The following OTUD7A variants were observed in gnomAD, a reference collection of about 807,000 sequenced individuals.
OTUD7A encodes the protein OTU domain-containing protein 7A.
Under a neutral mutation model 65.7 loss-of-function variants are expected in OTUD7A, and 12 were observed. That is an observed-to-expected ratio of 0.18 (90% CI 0.12 to 0.30). The LOEUF (loss-of-function observed/expected upper bound fraction) is 0.30. OTUD7A is among the 10% of genes least tolerant of loss of function. OTUD7A has a pLI of 1.00. For synonymous variants in OTUD7A, 641 were observed against 586.3 expected, an observed-to-expected ratio of 1.09 and a Z score of -1.35; for missense variants, 1,148 against 1,304.8, an observed-to-expected ratio of 0.88 and a Z score of 1.85.
At chr15:31,763,630 G>A (rs979868687) in intron 1 of OTUD7A, among the ~76,000 whole-genome samples, 2 of 152,020 alleles carry the variant, frequency 1.3e-5, no homozygotes, top group East Asian at 1.9e-4. Flanking sequence ...TTTGACAAAC[G>A]GTGGCTGAAA....
chr15:31,765,910 TTAGAGG>T, intron 1 of OTUD7A: 1 of 1,275,788 alleles, frequency 7.8e-7, no homozygotes, highest in Non-Finnish European at 1.1e-6. Context: ...CTTTTCTCCT[TTAGAGG>T]TAAAGTCCTG....
At chr15:31,519,120 G>A (rs1315364342) in intron 8 of OTUD7A, among the ~76,000 whole-genome samples, 1 of 70,912 alleles carries the variant, frequency 1.4e-5, no homozygotes, top group Non-Finnish European at 3.0e-5. Flanking sequence ...GCACTGTGCT[G>A]TGTGTGTGTG....
At chr15:31,674,591 G>GAAATGCAATT (rs1294270333) in intron 1 of OTUD7A, among the ~76,000 whole-genome samples, 1 of 152,102 alleles carries the variant, frequency 6.6e-6, no homozygotes, top group Admixed American at 6.5e-5. Flanking sequence ...ACCCAGGGAT[G>GAAATGCAATT]AAATGCAATT....
chr15:31,768,180 G>A (rs1895138574), intron 1 of OTUD7A: 1 of 1,374,164 alleles, frequency 7.3e-7, no homozygotes, highest in Non-Finnish European at 1.0e-6. Context: ...TAAGGCCCGG[G>A]AGGCACAACC....
At chr15:31,801,583 C>T (rs1254031275) in intron 1 of OTUD7A, among the ~76,000 whole-genome samples, 2 of 152,112 alleles carry the variant, frequency 1.3e-5, no homozygotes, top group Non-Finnish European at 1.5e-5. Context: ...TTTAAAGTAT[C>T]GATTAACAAA....
At chr15:31,610,619 T>TATATA (rs1249344964) in intron 3 of OTUD7A, among the ~76,000 whole-genome samples, 2 of 45,566 alleles carry the variant, frequency 4.4e-5, no homozygotes, top group Admixed American at 2.3e-4. Context: ...ATATATATAT[T>TATATA]TTTTTTTTTT....
chr15:31,744,365 T>C (rs1052952350), intron 1 of OTUD7A, among the ~76,000 whole-genome samples: 2 of 152,116 alleles, frequency 1.3e-5, no homozygotes, highest in African/African-American at 4.8e-5. Flanking sequence ...ACTGTATTAG[T>C]TGAGTCCTGT....
intron 1 of OTUD7A, among the ~76,000 whole-genome samples, chr15:31,693,076 G>A (rs1396043395): frequency 4.1e-4 from 63 of 152,104 alleles, no homozygotes; most frequent in African/African-American, 1.5e-3. Flanking sequence ...GGAAGGTGCA[G>A]GAGAGATGCT....
rs558124439 is a variant in OTUD7A, at chr15:31,648,254, G to A, written c.151+6842C>T. ...CTTCAAAGGCATTTCCAGGTACCTA[G>A]CCAGCACTGGGAAGTAAATGAGCAA... On this transcript the variant is annotated intron_variant, in intron 3 of 12. Transcript: ENST00000307050. 1.8e-3 allele frequency among the ~76,000 whole-genome samples: 281 copies of A among 152,288 alleles called. 1 individual carries two copies. The highest frequency in any genetic ancestry group is 6.3e-3 in the African/African-American group (262 of 41,550).
chr15:31,789,555 C>T (rs1490526974), intron 1 of OTUD7A, among the ~76,000 whole-genome samples: 2 of 152,134 alleles, frequency 1.3e-5, no homozygotes, highest in African/African-American at 4.8e-5. Context: ...GGCTCAACAT[C>T]GTGCCACTCA....
In OTUD7A at chr15:31,863,759, T is replaced by C. The variant is rs1258891799; in HGVS notation, c.-100+6748A>G. On this transcript the variant is annotated intron_variant, in intron 1 of 12. Coordinates refer to ENST00000307050, the MANE Select transcript of OTUD7A (RefSeq NM_001382637.1). ...GCCTGGAGACATTTTCCCCATGGTC[T>C]TAGTGTTTAACGTTAGGATCCTTGC... 2.0e-5 allele frequency among the ~76,000 whole-genome samples: 3 copies of C among 152,320 alleles called. No homozygotes were observed. The East Asian group carries it at 5.8e-4, about 29-fold the overall frequency.
chr15:31,627,485 T>C (rs1306983044), intron 3 of OTUD7A, among the ~76,000 whole-genome samples: 1 of 152,114 alleles, frequency 6.6e-6, no homozygotes, highest in Non-Finnish European at 1.5e-5. Context: ...TAATCCAGTC[T>C]ATGGTTGTTG....
chr15:31,797,880 C>G (rs942457406), intron 1 of OTUD7A, among the ~76,000 whole-genome samples: 1 of 152,112 alleles, frequency 6.6e-6, no homozygotes, highest in South Asian at 2.1e-4. Context: ...CCAAAAACAG[C>G]TGGGCTTAAA....
chr15:31,822,586 A>C (rs1412180705), intron 1 of OTUD7A, among the ~76,000 whole-genome samples: 1 of 152,152 alleles, frequency 6.6e-6, no homozygotes, highest in African/African-American at 2.4e-5. Flanking sequence ...GGCAGAGAAG[A>C]AACATCACAA....
At chr15:31,536,886 C>T (rs927438747) in intron 5 of OTUD7A, among the ~76,000 whole-genome samples, 1 of 152,094 alleles carries the variant, frequency 6.6e-6, no homozygotes, top group Admixed American at 6.5e-5. Flanking sequence ...AGGGTACACA[C>T]ATACAGTAAG....
At chr15:31,675,269 A>G (rs1892571710) in intron 1 of OTUD7A, among the ~76,000 whole-genome samples, 1 of 152,166 alleles carries the variant, frequency 6.6e-6, no homozygotes, top group African/African-American at 2.4e-5. Flanking sequence ...ATTAGGGTGG[A>G]AAGAGATGAG....
chr15:31,585,637 G>C (rs531393494), intron 3 of OTUD7A, among the ~76,000 whole-genome samples: 1 of 152,282 alleles, frequency 6.6e-6, no homozygotes, highest in South Asian at 2.1e-4. Flanking sequence ...CTTCCAGCTG[G>C]GGTGCAAGCC....
intron 1 of OTUD7A, among the ~76,000 whole-genome samples, chr15:31,735,980 T>A (rs1894180143): frequency 6.6e-6 from 1 of 152,172 alleles, no homozygotes; most frequent in African/African-American, 2.4e-5. Flanking sequence ...AAATACCACA[T>A]GTTCTCACTT....
chr15:31,571,596 G>A (rs972112070), intron 3 of OTUD7A, among the ~76,000 whole-genome samples: 1 of 152,272 alleles, frequency 6.6e-6, no homozygotes, highest in East Asian at 1.9e-4. Context: ...CATCTAATGA[G>A]AATTCTTATG....
Sources: allele counts gnomAD v4.1 joint callset (sites outside exome capture counted in the v4.1 genomes callset), GRCh38; gene constraint gnomAD v4.1.1; transcripts MANE v1.5; gene names NCBI Gene and HGNC (gene_info 2026-07-23, HGNC 2026-07-21).